Variants in CACNA1I observed in about 807,000 individuals in gnomAD.
CACNA1I encodes the protein calcium voltage-gated channel subunit alpha1 I.
CACNA1I carries 74 observed loss-of-function variants against 201.6 expected under a neutral mutation model. The observed-to-expected ratio is 0.37, with a 90% CI of 0.30 to 0.45. CACNA1I has a LOEUF of 0.45. Among genes scored for constraint, CACNA1I ranks in the 20% least tolerant of loss-of-function variants. The pLI is 1.00. For synonymous variants in CACNA1I, 1,431 were observed against 1,345.2 expected (o/e 1.06, Z -1.40); for missense variants, 2,346 against 3,138.1 (o/e 0.75, Z 6.03).
rs766661928 is a variant in CACNA1I at position 39,684,516 on chromosome 22, G to A, written c.6027+18G>A. On this transcript the variant is annotated intron_variant, in intron 36 of 36. Coordinates refer to ENST00000402142, the MANE Select transcript of CACNA1I (RefSeq NM_021096.4). This position sits in a 1 kb window ranked among gnomAD's most constrained non-coding sequence, Gnocchi z 4.6. The stretch of plus-strand genomic sequence containing the variant: ...TCCGGCAGGTACCGACACCTCCCAG[G>A]CCCTAGAGCACTGGTCTGTGGGCAA... 3 of 1,607,666 alleles carry A rather than the reference G, an allele frequency of 1.9e-6. No homozygotes were observed. Among genetic ancestry groups the A allele is most frequent in the African/African-American group, 1.3e-5 (1 of 74,952 alleles).
At chr22:39,599,971 C>T (rs1932989149) in intron 2 of CACNA1I, among the ~76,000 whole-genome samples, 1 of 152,196 alleles carries the variant, frequency 6.6e-6, no homozygotes, top group African/African-American at 2.4e-5. Flanking sequence ...GAGGCCTGTG[C>T]CTGGGGGCTA....
intron 3 of CACNA1I, among the ~76,000 whole-genome samples, chr22:39,617,731 G>A (rs1160568356): frequency 2.6e-5 from 4 of 151,672 alleles, no homozygotes; most frequent in Non-Finnish European, 5.9e-5. Flanking sequence ...GGTCACCATC[G>A]GCCCTCACCC....
intron 29 of CACNA1I, among the ~76,000 whole-genome samples, chr22:39,675,321 C>T (rs1935486528): frequency 6.6e-6 from 1 of 152,204 alleles, no homozygotes; most frequent in African/African-American, 2.4e-5. Context: ...TAAGAGGCTG[C>T]TAGGGGTGGG....
chr22:39,583,764 G>A (rs1379305805), intron 1 of CACNA1I, among the ~76,000 whole-genome samples: 1 of 152,228 alleles, frequency 6.6e-6, no homozygotes, highest in African/African-American at 2.4e-5. Context: ...CTCATCCTTT[G>A]AACCACTCAC....
intron 23 of CACNA1I, among the ~76,000 whole-genome samples, chr22:39,667,625 C>G (rs1031632092): frequency 3.3e-5 from 5 of 151,932 alleles, no homozygotes; most frequent in African/African-American, 1.2e-4. Flanking sequence ...GATGTGAACT[C>G]ACTTAAGGGA....
intron 10 of CACNA1I, chr22:39,656,810 A>G (rs1934838542): frequency 1.9e-6 from 1 of 518,014 alleles, no homozygotes; most frequent in Non-Finnish European, 3.9e-6. Context: ...CCCTAGCCTC[A>G]GTCTCCTCAT....
intron 32 of CACNA1I, 114 bp from the exon 33 acceptor site, chr22:39,679,608 C>G: frequency 8.6e-7 from 1 of 1,159,062 alleles, no homozygotes; most frequent in Non-Finnish European, 1.2e-6. Context: ...GGGGTCGGTC[C>G]CAGGCCATGG....
rs1377043440 is a variant in CACNA1I, at chr22:39,629,612, G to C, written c.581-4953G>C. On this transcript the variant is annotated intron_variant, in intron 4 of 36. Transcript: ENST00000402142. The surrounding 1 kb of genome is among the most constrained non-coding windows in gnomAD (Gnocchi z 4.8). ...ATCAGGCCGTGAGGGTGGTGGAGAG[G>C]GCCCAGTGTCTGGCCTGGGCCATCT... is the stretch of plus-strand genomic sequence containing the variant. Among the ~76,000 whole-genome samples, 1 of 152,114 alleles carries C rather than the reference G, an allele frequency of 6.6e-6. No homozygotes were observed. Among genetic ancestry groups the C allele is most frequent in the Non-Finnish European group, 1.5e-5 (1 of 68,014 alleles).
At chr22:39,655,199 G>A (rs1462526727) in intron 10 of CACNA1I, among the ~76,000 whole-genome samples, 4 of 152,202 alleles carry the variant, frequency 2.6e-5, no homozygotes, top group African/African-American at 9.6e-5. Context: ...CGGCCCATGG[G>A]AGGGGCCTAA....
intron 10 of CACNA1I, among the ~76,000 whole-genome samples, chr22:39,654,087 T>C (rs1333428559): frequency 6.6e-6 from 1 of 152,146 alleles, no homozygotes; most frequent in Non-Finnish European, 1.5e-5. Context: ...CCTCTGGCAG[T>C]CTTGTGGGGC....
chr22:39,664,852 C>T lies in CACNA1I; in HGVS notation c.3780C>T (p.Ala1260=), dbSNP rs763411479. ...VSIIDIVVSL[A]SAGGAKILGV... ...TCATCGACATCGTGGTGTCCCTGGC[C>T]TCAGCCGGGGGAGCCAAGATCTTGG... Residue 1260 remains alanine (A), a synonymous_variant, in exon 21 of 37, where the codon GCC becomes GCT. Coordinates refer to ENST00000402142, the MANE Select transcript of CACNA1I (RefSeq NM_021096.4). The T allele has an allele frequency of 6.2e-7, 1 of 1,613,100 alleles. No individual in the cohort carries two copies. Among genetic ancestry groups the T allele is most frequent in the South Asian group, 1.1e-5 (1 of 91,074 alleles).
At chr22:39,678,889 G>A (rs536197829) in intron 31 of CACNA1I, among the ~76,000 whole-genome samples, 1 of 152,340 alleles carries the variant, frequency 6.6e-6, no homozygotes, top group Non-Finnish European at 1.5e-5. Context: ...GAGAGGAGGA[G>A]AGGGCGCTGG....
At chr22:39,640,263 C>T (rs1934319567) in intron 5 of CACNA1I, among the ~76,000 whole-genome samples, 1 of 152,078 alleles carries the variant, frequency 6.6e-6, no homozygotes, top group Non-Finnish European at 1.5e-5. Context: ...GTGGTGTGCA[C>T]CTATAGTCCT....
chr22:39,574,224 T>A (rs1298851234), intron 1 of CACNA1I, among the ~76,000 whole-genome samples: 1 of 152,248 alleles, frequency 6.6e-6, no homozygotes. Context: ...TGCAAAATTC[T>A]GTGTTTCAAA....
chr22:39,665,541 C>T lies in CACNA1I; in HGVS notation c.3895C>T (p.Leu1299Phe). Reference sequence around the variant, plus strand: ...GGGCCTGAAGCTGGTGGTGGAGACACTCATCTCCTCCCTCAAGCCCATCGG... The same window carrying T: ...GGGCCTGAAGCTGGTGGTGGAGACATTCATCTCCTCCCTCAAGCCCATCGG... ...APGLKLVVETLISSLKPIGNI... is the reference protein window; with the variant it reads ...APGLKLVVETFISSLKPIGNI... The change falls in exon 22 of 37, where the codon CTC becomes TTC. Residue 1299 changes from leucine to phenylalanine, a missense_variant. Physicochemically the swap from Leu to Phe is conservative, Grantham distance 22. This residue lies in a region of CACNA1I where 14 missense variants were observed against 53.7 expected (regional missense o/e 0.26). Coordinates refer to ENST00000402142, the MANE Select transcript of CACNA1I (RefSeq NM_021096.4). The surrounding 1 kb of genome is among the most constrained non-coding windows in gnomAD (Gnocchi z 5.5). 1.2e-6 allele frequency: 2 copies of T among 1,613,720 alleles called. No individual in the cohort carries two copies. Among genetic ancestry groups the T allele is most frequent in the East Asian group, 2.2e-5 (1 of 44,878 alleles).
intron 11 of CACNA1I, 93 bp from the exon 12 acceptor site, chr22:39,658,838 C>G (rs1934905465): frequency 9.3e-7 from 1 of 1,077,994 alleles, no homozygotes; most frequent in Admixed American, 2.2e-5. Context: ...AGCTCTGTCT[C>G]TCTGTTTTCC....
At position 39,641,105 on chromosome 22, in the gene CACNA1I, C is replaced by T. The variant is rs757488430; in HGVS notation, c.979C>T (p.Arg327Cys). 4.3e-6 allele frequency: 7 copies of T among 1,613,898 alleles called. No individual in the cohort carries two copies. The highest frequency in any genetic ancestry group is 2.2e-5 in the South Asian group (2 of 91,088). Residue 327 changes from arginine (R) to cysteine (C), a missense_variant, in exon 6 of 37, where the codon CGC (arginine) becomes TGC (cysteine). Coordinates refer to ENST00000402142, the MANE Select transcript of CACNA1I (RefSeq NM_021096.4). Reference protein sequence around the residue: ...VNWNRYYNVCRTGSANPHKGA... With the variant: ...VNWNRYYNVCCTGSANPHKGA... Reference sequence around the variant, plus strand: ...CTGGAACCGTTACTACAATGTGTGCCGCACGGGCAGCGCCAACCCCCACAA... The same window carrying T: ...CTGGAACCGTTACTACAATGTGTGCTGCACGGGCAGCGCCAACCCCCACAA...
chr22:39,681,604 G>A (rs1935709743), intron 34 of CACNA1I, among the ~76,000 whole-genome samples: 1 of 152,178 alleles, frequency 6.6e-6, no homozygotes, highest in Non-Finnish European at 1.5e-5. Flanking sequence ...GCCACCCCAG[G>A]GGGTCAGTCT....
chr22:39,663,835 C>T lies in CACNA1I; in HGVS notation c.3591C>T (p.Gly1197=). Residue 1197 remains glycine (G), a synonymous_variant, in exon 19 of 37, where the codon GGC becomes GGT. Coordinates refer to ENST00000402142, the MANE Select transcript of CACNA1I (RefSeq NM_021096.4). ...IALERPQIEA[G]STERIFLTVS... Reference sequence around the variant, plus strand: ...TGGAGCGGCCTCAGATCGAGGCCGGCAGCACCGTGAGTGGCTGTAGCCTTT... The same window carrying T: ...TGGAGCGGCCTCAGATCGAGGCCGGTAGCACCGTGAGTGGCTGTAGCCTTT... 1.2e-6 allele frequency: 2 copies of T among 1,613,558 alleles called. No homozygotes were observed. The highest frequency in any genetic ancestry group is 1.7e-6 in the Non-Finnish European group (2 of 1,179,788).
Sources: gnomAD v4.1 joint callset for allele counts (sites outside exome capture counted in the v4.1 genomes callset) on GRCh38, gnomAD v4.1.1 for gene constraint, gnomAD v4.1.1 regional missense constraint, Gnocchi (gnomAD v3.1) non-coding constraint, MANE v1.5 for transcripts, NCBI Gene and HGNC (gene_info 2026-07-23, HGNC 2026-07-21) for gene names.